The following ASTN2 variants were observed in gnomAD, a reference collection of about 807,000 sequenced individuals.
ASTN2 encodes astrotactin 2.
ASTN2 carries 54 observed loss-of-function variants against 139.8 expected under a neutral mutation model. The ratio of observed to expected loss-of-function variants is 0.39; its 90% CI spans 0.31 to 0.48. ASTN2 has a LOEUF of 0.48. Among genes scored for constraint, ASTN2 ranks in the 20% least tolerant of loss-of-function variants. The pLI is 0.95. For missense variants in ASTN2, 1,565 were observed against 1,725.1 expected (o/e 0.91, Z 1.64); for synonymous variants, 756 against 719.5 (o/e 1.05, Z -0.81).
At chr9:116,488,570 A>G (rs772852745) in intron 19 of ASTN2, among the ~76,000 whole-genome samples, 13 of 152,394 alleles carry the variant, frequency 8.5e-5, no homozygotes, top group Non-Finnish European at 1.6e-4. Context: ...ATTGAGTTCA[A>G]TGATGCAATA....
intron 10 of ASTN2, among the ~76,000 whole-genome samples, chr9:116,877,475 C>T (rs1277089213): frequency 2.0e-5 from 3 of 152,186 alleles, no homozygotes; most frequent in Admixed American, 2.0e-4. Context: ...TATAGCTATA[C>T]ATCTATGCCT....
At chr9:117,159,576 A>C (rs182013387) in intron 3 of ASTN2, among the ~76,000 whole-genome samples, 1 of 152,032 alleles carries the variant, frequency 6.6e-6, no homozygotes, top group African/African-American at 2.4e-5. Flanking sequence ...TTGAGCATCA[A>C]TTCATTATTG....
Position 117,382,389 on chromosome 9 carries a change from G to A in ASTN2, c.442+32108C>T, listed in dbSNP as rs1193606149. Among the ~76,000 whole-genome samples the A allele has an allele frequency of 2.0e-5, 3 of 152,320 alleles. No individual in the cohort carries two copies. In the East Asian group the frequency reaches 5.8e-4, roughly 29 times the overall value. On this transcript the variant is annotated intron_variant, in intron 1 of 22. Transcript: ENST00000313400. ...TATTTTGCACCTAATATGTGCCAGA[G>A]ACTGAACAAGGCATTTTATATCCAT...
intron 20 of ASTN2, among the ~76,000 whole-genome samples, chr9:116,467,973 T>C (rs939087871): frequency 6.6e-6 from 1 of 152,130 alleles, no homozygotes; most frequent in African/African-American, 2.4e-5. Flanking sequence ...GTTGGCTAGG[T>C]CTCTTTCTAC....
chr9:116,896,363 T>C (rs543207783), intron 10 of ASTN2, among the ~76,000 whole-genome samples: 2 of 152,198 alleles, frequency 1.3e-5, no homozygotes, highest in Non-Finnish European at 2.9e-5. Context: ...TGAGATGGAG[T>C]TTCCCTCTTG....
chr9:116,515,312 G>C (rs895073151), intron 19 of ASTN2, among the ~76,000 whole-genome samples: 2 of 152,194 alleles, frequency 1.3e-5, no homozygotes, highest in Non-Finnish European at 2.9e-5. Flanking sequence ...GTTTGGCAAT[G>C]GTTGGTTTAG....
At chr9:117,027,058 A>C (rs1038184913) in intron 6 of ASTN2, among the ~76,000 whole-genome samples, 1 of 152,198 alleles carries the variant, frequency 6.6e-6, no homozygotes, top group Non-Finnish European at 1.5e-5. Context: ...GAATGCAAAA[A>C]GTAGTAGTTC....
intron 16 of ASTN2, among the ~76,000 whole-genome samples, chr9:116,720,309 CATGTATTT>C (rs1828436372): frequency 1.3e-5 from 2 of 152,186 alleles, no homozygotes; most frequent in Admixed American, 1.3e-4. Flanking sequence ...AAAGTGGCGA[CATGTATTT>C]ATCTGTGGGG....
chr9:116,992,460 C>G (rs964125375), intron 7 of ASTN2, among the ~76,000 whole-genome samples: 1 of 152,164 alleles, frequency 6.6e-6, no homozygotes, highest in Non-Finnish European at 1.5e-5. Flanking sequence ...TTTAAGAGGG[C>G]ATGTAGAATT....
At chr9:117,012,845 A>C (rs571494342) in intron 6 of ASTN2, among the ~76,000 whole-genome samples, 2 of 152,278 alleles carry the variant, frequency 1.3e-5, no homozygotes, top group South Asian at 4.1e-4. Context: ...CTCAAGTAGC[A>C]CCTATATGTG....
intron 20 of ASTN2, among the ~76,000 whole-genome samples, chr9:116,482,865 C>T (rs1279647275): frequency 6.6e-6 from 1 of 152,204 alleles, no homozygotes; most frequent in African/African-American, 2.4e-5. Flanking sequence ...GGGTCTGGGG[C>T]AAGCCTCTGA....
chr9:116,730,229 T>C (rs191181184), intron 14 of ASTN2, among the ~76,000 whole-genome samples: 1 of 152,326 alleles, frequency 6.6e-6, no homozygotes, highest in African/African-American at 2.4e-5. Context: ...TCTTGTCCCC[T>C]GGTGAGTAGG....
intron 2 of ASTN2, among the ~76,000 whole-genome samples, chr9:117,287,192 G>A (rs145956737): frequency 5.1e-4 from 78 of 152,050 alleles, no homozygotes; most frequent in East Asian, 3.1e-3. Flanking sequence ...ATCTCATTCC[G>A]TGCCTAGAAA....
intron 11 of ASTN2, among the ~76,000 whole-genome samples, chr9:116,824,413 G>A (rs4837912): frequency 0.79 from 120,488 of 151,774 alleles, 48,015 homozygotes; most frequent in East Asian, 0.91. Flanking sequence ...TTGCTCTAGT[G>A]AAAGCAAGCT....
intron 3 of ASTN2, among the ~76,000 whole-genome samples, chr9:117,179,837 A>G (rs1486185114): frequency 6.6e-6 from 1 of 152,086 alleles, no homozygotes; most frequent in Non-Finnish European, 1.5e-5. Context: ...GTGTTTAGGG[A>G]CTTACTTTAC....
intron 5 of ASTN2, among the ~76,000 whole-genome samples, chr9:117,070,808 C>T (rs1045535936): frequency 6.6e-5 from 10 of 151,780 alleles, no homozygotes; most frequent in African/African-American, 2.4e-4. Context: ...GCATCGGCTC[C>T]TGAGGCTTCT....
intron 1 of ASTN2, among the ~76,000 whole-genome samples, chr9:117,337,556 G>A (rs1828926212): frequency 1.3e-5 from 2 of 152,168 alleles, no homozygotes; most frequent in South Asian, 2.1e-4. Context: ...TAAGCACAGT[G>A]AAGAGTAGAG....
At chr9:116,573,993 C>T (rs1853626580) in intron 19 of ASTN2, among the ~76,000 whole-genome samples, 2 of 152,110 alleles carry the variant, frequency 1.3e-5, no homozygotes, top group African/African-American at 4.8e-5. Context: ...CATTGTACAT[C>T]CAAGGTGAGA....
chr9:117,387,040 C>T (rs1381658308), intron 1 of ASTN2, among the ~76,000 whole-genome samples: 2 of 152,180 alleles, frequency 1.3e-5, no homozygotes, highest in Admixed American at 6.5e-5. Flanking sequence ...AGTCTACACC[C>T]TGTTGATCTC....
Sources: gnomAD v4.1 joint callset for allele counts (sites outside exome capture counted in the v4.1 genomes callset) on GRCh38, gnomAD v4.1.1 for gene constraint, MANE v1.5 for transcripts, NCBI Gene and HGNC (gene_info 2026-07-23, HGNC 2026-07-21) for gene names.